BRWD1: variants seen among roughly 807,000 people sequenced by gnomAD.
The protein encoded by BRWD1 is bromodomain and WD repeat domain containing 1.
BRWD1 carries 82 observed loss-of-function variants against 251.2 expected under a neutral mutation model. The ratio of observed to expected loss-of-function variants is 0.33; its 90% CI spans 0.27 to 0.39. The LOEUF is 0.39. Among genes scored for constraint, BRWD1 ranks in the 10% least tolerant of loss-of-function variants. The pLI, the probability that BRWD1 is intolerant of heterozygous loss-of-function variation, is 1.00. For missense variants in BRWD1, 2,233 were observed against 2,711.6 expected, an observed-to-expected ratio of 0.82 and a Z score of 3.92; for synonymous variants, 918 against 902.8, an observed-to-expected ratio of 1.02 and a Z score of -0.30.
chr21:39,196,769 T>C lies in BRWD1; in HGVS notation c.6300A>G (p.Arg2100=), dbSNP rs751772971. The C allele has an allele frequency of 6.2e-6, 10 of 1,613,214 alleles. No individual in the cohort carries two copies. The highest frequency in any genetic ancestry group is 8.5e-6 in the Non-Finnish European group (10 of 1,179,900). ...NYGLRRWNGR[R]LRTYGKAPFS... is the part of the protein sequence containing the mutation. ...AAGGAGCCTTTCCATAGGTCCTGAG[T>C]CTTCTGCCATTCCACCTGCGCAGCC... is the stretch of plus-strand genomic sequence containing the variant. Residue 2100 remains arginine (R), a synonymous_variant, in exon 41 of 41, where the codon AGA becomes AGG. Transcript: ENST00000342449.
intron 19 of BRWD1, among the ~76,000 whole-genome samples, chr21:39,252,192 T>C (rs959432240): frequency 4.1e-5 from 6 of 145,762 alleles, no homozygotes; most frequent in African/African-American, 1.5e-4. Flanking sequence ...GAGGCTGAAG[T>C]GAGCCAAGAT....
Position 39,194,711 on chromosome 21 carries a change from T to C in BRWD1, c.*1548A>G. 1.3e-6 allele frequency: 2 copies of C among 1,535,242 alleles called. No individual in the cohort carries two copies. The highest frequency in any genetic ancestry group is 1.4e-5 in the African/African-American group (1 of 73,112). On this transcript the variant is annotated 3_prime_UTR_variant, in exon 41 of 41. Transcript: ENST00000342449. ...ATTAATACCAGTCTGATGCTTCGCC[T>C]TGTCTGCCACTTCAAAGATACACAG...
intron 4 of BRWD1, among the ~76,000 whole-genome samples, chr21:39,300,748 G>C (rs562106628): frequency 6.6e-6 from 1 of 152,316 alleles, no homozygotes; most frequent in South Asian, 2.1e-4. Flanking sequence ...AGGGGAAATG[G>C]TCAATAGAAG....
chr21:39,212,303 T>C (rs368446486), intron 34 of BRWD1, among the ~76,000 whole-genome samples: 6 of 152,316 alleles, frequency 3.9e-5, no homozygotes, highest in Admixed American at 3.3e-4. Flanking sequence ...CACCATAATC[T>C]ACCCCAATCA....
chr21:39,202,686 T>C, intron 37 of BRWD1, 141 bp from the exon 38 acceptor site: 1 of 616,038 alleles, frequency 1.6e-6, no homozygotes, highest in African/African-American at 1.8e-5. Flanking sequence ...ATATTCACTA[T>C]TAACATTTTA....
At chr21:39,233,209 A>C (rs182919213) in intron 23 of BRWD1, among the ~76,000 whole-genome samples, 117 of 152,266 alleles carry the variant, frequency 7.7e-4, no homozygotes, top group Non-Finnish European at 3.8e-4. Flanking sequence ...CTCGGAAAGA[A>C]TATCATCCAA....
intron 4 of BRWD1, among the ~76,000 whole-genome samples, chr21:39,310,612 A>AT (rs1286274551): frequency 2.0e-5 from 3 of 151,780 alleles, no homozygotes; most frequent in Admixed American, 6.6e-5. Flanking sequence ...TCAAAAAAAA[A>AT]AATTATTATT....
At chr21:39,275,553 G>C (rs1172927479) in intron 12 of BRWD1, among the ~76,000 whole-genome samples, 1 of 152,136 alleles carries the variant, frequency 6.6e-6, no homozygotes, top group African/African-American at 2.4e-5. Flanking sequence ...CAAAGTGACA[G>C]TTAATTATAT....
rs1296505160 is a variant in BRWD1, at chr21:39,202,371, T to G, written c.4539A>C (p.Glu1513Asp). The G allele has an allele frequency of 6.2e-7, 1 of 1,613,794 alleles. No homozygotes were observed. Among genetic ancestry groups the G allele is most frequent in the Admixed American group, 1.7e-5 (1 of 60,020 alleles). ...GDSSDSAESS[E>D]RRKRNRPITN... The stretch of plus-strand genomic sequence containing the variant: ...TTATAGGTCTATTTCTTTTCCTCCT[T>G]TCTGATGATTCTGCTGAATCTGAAG... The change falls in exon 38 of 41, where the codon GAA becomes GAC. Residue 1513 changes from glutamate (E) to aspartate (D), a missense_variant. Coordinates refer to ENST00000342449, the MANE Select transcript of BRWD1 (RefSeq NM_033656.4).
chr21:39,191,115 T>G lies in BRWD1; in HGVS notation c.*5144A>C. The G allele has an allele frequency of 5.1e-6, 5 of 985,364 alleles. No individual in the cohort carries two copies. The highest frequency in any genetic ancestry group is 6.0e-6 in the Non-Finnish European group (5 of 829,874). 61.0% of individuals were successfully genotyped at this position (985,364 alleles called of 1,614,324 possible). ...GCAATACCTTAAGAGCATTTCACACTAAATGCAGGCAGAATCAGAAGTAAA... is the reference window on the plus strand; with the variant it reads ...GCAATACCTTAAGAGCATTTCACACGAAATGCAGGCAGAATCAGAAGTAAA... On this transcript the variant is annotated 3_prime_UTR_variant, in exon 41 of 41. Coordinates refer to ENST00000342449, the MANE Select transcript of BRWD1 (RefSeq NM_033656.4).
chr21:39,223,267 CTTT>C (rs780333458), intron 29 of BRWD1, among the ~76,000 whole-genome samples: 4 of 151,864 alleles, frequency 2.6e-5, no homozygotes, highest in Non-Finnish European at 5.9e-5. Context: ...TTTTTTTTAA[CTTT>C]TTTTAAGTCT....
At position 39,298,512 on chromosome 21, in the gene BRWD1, T is replaced by C; in HGVS notation, c.269A>G (p.Asp90Gly). Residue 90 changes from aspartate to glycine, a missense_variant, in exon 5 of 41, where the codon GAT becomes GGT. By Grantham distance (94) the Asp-to-Gly change is moderately conservative. Coordinates refer to ENST00000342449, the MANE Select transcript of BRWD1 (RefSeq NM_033656.4). ...QICQRIGPMLDKEIPPSISRV... is the reference protein window; with the variant it reads ...QICQRIGPMLGKEIPPSISRV... ...TGAAATACTGGGTGGAATTTCTTTA[T>C]CCAACATAGGACCGATGCGCTGGCA... 1 of 1,611,496 alleles carries C rather than the reference T, an allele frequency of 6.2e-7. No homozygotes were observed. Among genetic ancestry groups the C allele is most frequent in the Non-Finnish European group, 8.5e-7 (1 of 1,179,266 alleles).
intron 4 of BRWD1, among the ~76,000 whole-genome samples, chr21:39,309,187 C>CAA (rs1168747120): frequency 8.6e-5 from 13 of 150,302 alleles, no homozygotes; most frequent in Admixed American, 6.6e-4. Context: ...AAAAACAAAA[C>CAA]AAAAATCAGG....
At chr21:39,203,332 A>G (rs2032203638) in intron 37 of BRWD1, among the ~76,000 whole-genome samples, 1 of 151,576 alleles carries the variant, frequency 6.6e-6, no homozygotes, top group Non-Finnish European at 1.5e-5. Flanking sequence ...CACATCTATG[A>G]TCGCAGCTAC....
At chr21:39,274,315 G>C in intron 13 of BRWD1, 59 bp downstream of exon 13, 2 of 1,304,322 alleles carry the variant, frequency 1.5e-6, no homozygotes, top group Non-Finnish European at 2.2e-6. Flanking sequence ...GAGAGAGAGA[G>C]AGAGAGAGAG....
chr21:39,212,836 C>A, intron 33 of BRWD1, 129 bp from the exon 34 acceptor site: 2 of 599,374 alleles, frequency 3.3e-6, no homozygotes, highest in Non-Finnish European at 2.8e-6. Context: ...TCAAAATCTC[C>A]AAAGAAAGAC....
chr21:39,218,455 T>C, intron 30 of BRWD1, 50 bp downstream of exon 30: 1 of 1,498,460 alleles, frequency 6.7e-7, no homozygotes, highest in South Asian at 1.3e-5. Context: ...AATACCTTTA[T>C]GAAAAAAATT....
intron 27 of BRWD1, among the ~76,000 whole-genome samples, chr21:39,227,293 A>G (rs895875496): frequency 6.6e-6 from 1 of 152,224 alleles, no homozygotes; most frequent in Admixed American, 6.5e-5. Context: ...AGAACTGATA[A>G]AAGAACGAAC....
intron 38 of BRWD1, among the ~76,000 whole-genome samples, chr21:39,200,788 C>T (rs2032069840): frequency 6.6e-6 from 1 of 152,090 alleles, no homozygotes; most frequent in Non-Finnish European, 1.5e-5. Flanking sequence ...GAGTTCAAAA[C>T]TAGCCTGGCC....
Sources: allele counts gnomAD v4.1 joint callset (sites outside exome capture counted in the v4.1 genomes callset), GRCh38; gene constraint gnomAD v4.1.1; transcripts MANE v1.5; gene names NCBI Gene and HGNC (gene_info 2026-07-23, HGNC 2026-07-21).